Variants in ANKRD26 observed in about 807,000 individuals in gnomAD.
ANKRD26 encodes the protein ankyrin repeat domain 26, also known as ankyrin repeat domain-containing protein 26.
A neutral mutation model predicts 208.7 loss-of-function variants in ANKRD26; 141 were observed. The observed-to-expected ratio is 0.68, with a 90% confidence interval of 0.59 to 0.78. The LOEUF is 0.78. Ranked by LOEUF, ANKRD26 falls within the 30% of genes least tolerant of loss-of-function variation. ANKRD26 has a pLI of 0.00. For synonymous variants in ANKRD26, 636 were observed against 660.4 expected (o/e 0.96, Z 0.57); for missense variants, 1,889 against 1,938.7 (o/e 0.97, Z 0.48).
At chr10:27,070,623 C>G (rs1440482427) in intron 9 of ANKRD26, among the ~76,000 whole-genome samples, 2 of 151,836 alleles carry the variant, frequency 1.3e-5, no homozygotes, top group African/African-American at 4.8e-5. Context: ...ATAAAATGTC[C>G]TCATTGCTGG....
At chr10:27,040,206 A>C (rs1401068305) in intron 20 of ANKRD26, 28 bp from the exon 21 acceptor site, 2 of 1,516,244 alleles carry the variant, frequency 1.3e-6, no homozygotes, top group Non-Finnish European at 1.8e-6. Flanking sequence ...CAAGATAGAA[A>C]TATATGAGCA....
downstream of ANKRD26, among the ~76,000 whole-genome samples, chr10:26,969,492 C>T (rs1439073229): frequency 6.6e-6 from 1 of 152,144 alleles, no homozygotes; most frequent in Non-Finnish European, 1.5e-5. Flanking sequence ...TGCTCTCTCA[C>T]CAATGAAGAC....
intron 28 of ANKRD26, among the ~76,000 whole-genome samples, chr10:27,023,064 C>A (rs1240112007): frequency 4.6e-5 from 7 of 152,186 alleles, no homozygotes; most frequent in Non-Finnish European, 1.0e-4. Context: ...ACCAGTGGCT[C>A]ATGCCTAAAA....
At chr10:27,047,518 A>C (rs1018351863) in intron 17 of ANKRD26, among the ~76,000 whole-genome samples, 1 of 151,762 alleles carries the variant, frequency 6.6e-6, no homozygotes, top group African/African-American at 2.4e-5. Flanking sequence ...CTACTCGGGA[A>C]GTTGAGGCAG....
At chr10:26,983,324 A>G (rs1294831539) in intron 3 of ANKRD26, among the ~76,000 whole-genome samples, 2 of 152,178 alleles carry the variant, frequency 1.3e-5, no homozygotes, top group Non-Finnish European at 2.9e-5. Flanking sequence ...CAGAGTCTGA[A>G]TTACTCATCC....
chr10:27,030,640 G>A (rs1358460293), intron 25 of ANKRD26: 1 of 970,972 alleles, frequency 1.0e-6, no homozygotes, highest in Non-Finnish European at 1.2e-6. Flanking sequence ...TTCTTTTCAG[G>A]GTGAAAAACA....
Position 27,042,707 on chromosome 10 carries a change from C to G in ANKRD26, c.2161+719G>C, listed in dbSNP as rs190356391. Among the ~76,000 whole-genome samples the G allele has an allele frequency of 3.0e-3, 459 of 151,066 alleles. 2 individuals are homozygous for G. The highest frequency in any genetic ancestry group is 0.011 in the African/African-American group (443 of 41,078). On this transcript the variant is annotated intron_variant, in intron 20 of 33. Transcript: ENST00000376087. ...GGCAGACCTTGCAGTGAGCGGAGAT[C>G]GCGCCACTGCACTCCAGCCTGGACG...
At position 27,013,054 on chromosome 10, in the gene ANKRD26, C is replaced by G. The variant is rs1455943629; in HGVS notation, c.4781G>C (p.Ser1594Thr). 1.2e-6 allele frequency: 2 copies of G among 1,614,046 alleles called. No homozygotes were observed. Among genetic ancestry groups the G allele is most frequent in the Admixed American group, 3.3e-5 (2 of 59,998 alleles). ...NTKLLVEKQQSRSLFTTLTTR... is the reference protein window; with the variant it reads ...NTKLLVEKQQTRSLFTTLTTR... ...AGTGAGAGTGGTGAACAAAGATCTG[C>G]TCTGCTGTTTTTCCACAAGAAGTTT... The change falls in exon 32 of 34, where the codon AGC becomes ACC. Residue 1594 changes from serine to threonine, a missense_variant. Around this residue, in one of 3 missense-constraint regions of ANKRD26, gnomAD observed 613 missense variants for 648.2 expected, o/e 0.95. Coordinates refer to ENST00000376087, the MANE Select transcript of ANKRD26 (RefSeq NM_014915.3).
intron 25 of ANKRD26, among the ~76,000 whole-genome samples, chr10:27,029,880 G>T (rs1010200182): frequency 1.3e-5 from 2 of 152,146 alleles, no homozygotes; most frequent in Non-Finnish European, 2.9e-5. Flanking sequence ...AGCGGGAATG[G>T]CCGGGTGGGA....
At chr10:27,050,664 C>T (rs1372189498) in intron 16 of ANKRD26, among the ~76,000 whole-genome samples, 1 of 152,176 alleles carries the variant, frequency 6.6e-6, no homozygotes, top group Non-Finnish European at 1.5e-5. Context: ...CACTGCTTCT[C>T]TCCCACTGTA....
At chr10:27,016,086 C>T (rs2134950412) in intron 30 of ANKRD26, among the ~76,000 whole-genome samples, 1 of 152,214 alleles carries the variant, frequency 6.6e-6, no homozygotes, top group South Asian at 2.1e-4. Context: ...CCTGGGCTTA[C>T]ATGATCCTCT....
At chr10:27,084,952 C>A (rs1181197277) in intron 5 of ANKRD26, among the ~76,000 whole-genome samples, 2 of 146,334 alleles carry the variant, frequency 1.4e-5, no homozygotes, top group African/African-American at 5.0e-5. Context: ...CATTTTTGTA[C>A]TTTCATTATA....
At chr10:26,995,064 T>TG (rs1372420322) in exon 5 of ANKRD26, 1 of 471,044 alleles carries the variant, frequency 2.1e-6, no homozygotes, top group Non-Finnish European at 4.4e-6. Flanking sequence ...CATTATCCAG[T>TG]GGCATCTATT....
At chr10:27,052,406 C>T (rs182082315) in intron 16 of ANKRD26, among the ~76,000 whole-genome samples, 4 of 152,132 alleles carry the variant, frequency 2.6e-5, no homozygotes, top group African/African-American at 9.6e-5. Flanking sequence ...TAAAGGCATC[C>T]TCATTTTAAA....
At chr10:26,953,967 T>C in the ANKRD26 span, among the ~76,000 whole-genome samples, 3 of 152,226 alleles carry the variant, frequency 2.0e-5, 1 homozygote, top group South Asian at 6.2e-4. Flanking sequence ...ATAAGGGAGA[T>C]TGAGTCAATC....
At chr10:26,955,262 C>T in the ANKRD26 span, among the ~76,000 whole-genome samples, 1 of 151,900 alleles carries the variant, frequency 6.6e-6, no homozygotes, top group Non-Finnish European at 1.5e-5. Flanking sequence ...AACCCCATCT[C>T]TACTAAAAGT....
rs1298922445 is a variant in ANKRD26 at position 27,037,846 on chromosome 10, A to G, written c.2559+25T>C. On this transcript the variant is annotated intron_variant, in intron 22 of 33. Transcript: ENST00000376087. ...GTGATGAAATAAAGTTAAAAATATA[A>G]AATTTTTATCAAAAATTAATTTACC... The G allele has an allele frequency of 9.7e-6, 15 of 1,540,114 alleles. No homozygotes were observed. In the Admixed American group the frequency reaches 2.6e-4, roughly 27 times the overall value.
At position 27,051,411 on chromosome 10, in the gene ANKRD26, T is replaced by G. The variant is rs756222551; in HGVS notation, c.1635+1909A>C. ...AAAAGGTCTTTTTGGATCACTATAC[T>G]GAGGCACACGTCTGATGTCTAATTT... On this transcript the variant is annotated intron_variant, in intron 16 of 33. Coordinates refer to ENST00000376087, the MANE Select transcript of ANKRD26 (RefSeq NM_014915.3). 5.2e-6 allele frequency: 6 copies of G among 1,159,972 alleles called. No individual in the cohort carries two copies. In the African/African-American group the frequency reaches 8.1e-5, roughly 16 times the overall value. 71.9% of individuals were successfully genotyped at this position (1,159,972 alleles called of 1,614,324 possible).
At chr10:27,043,786 ATGTTTT>A (rs890460945) in intron 19 of ANKRD26, among the ~76,000 whole-genome samples, 8 of 151,534 alleles carry the variant, frequency 5.3e-5, no homozygotes, top group Non-Finnish European at 1.2e-4. Context: ...TTTTAATTTC[ATGTTTT>A]TGTTTTTGTT....
Sources: allele counts gnomAD v4.1 joint callset (sites outside exome capture counted in the v4.1 genomes callset), GRCh38; gene constraint gnomAD v4.1.1; regional missense constraint gnomAD v4.1.1; transcripts MANE v1.5; gene names NCBI Gene and HGNC (gene_info 2026-07-23, HGNC 2026-07-21).